Variants in CFTR observed in about 807,000 individuals in gnomAD.
CFTR encodes the protein CF transmembrane conductance regulator, also known as cystic fibrosis transmembrane conductance regulator.
In CFTR, 181 loss-of-function variants were observed where a neutral mutation model predicts 171.6. The ratio of observed to expected loss-of-function variants is 1.05; its 90% CI spans 0.93 to 1.19. The LOEUF (loss-of-function observed/expected upper bound fraction) is 1.19, where lower values mean the gene tolerates loss of function less well. Ranked by LOEUF, CFTR falls within the 50% of genes most tolerant of loss-of-function variation. The probability of loss-of-function intolerance (pLI) is 0.00; values close to 1 mark genes in which losing one functional copy is unlikely to be tolerated. For synonymous variants in CFTR, 583 were observed against 608.0 expected, an observed-to-expected ratio of 0.96 and a Z score of 0.60; for missense variants, 1,968 against 1,734.7, an observed-to-expected ratio of 1.13 and a Z score of -2.39.
chr7:117,489,574 T>A (rs981108838), intron 1 of CFTR, among the ~76,000 whole-genome samples: 26 of 152,006 alleles, frequency 1.7e-4, no homozygotes, highest in African/African-American at 5.8e-4. Context: ...CAAACAGGTA[T>A]GTCAAAGATA....
intron 24 of CFTR, among the ~76,000 whole-genome samples, chr7:117,662,342 G>A (rs1291190614): frequency 1.3e-5 from 2 of 152,180 alleles, no homozygotes; most frequent in Admixed American, 6.5e-5. Context: ...TGAAGAGCAC[G>A]TTTTTACCCT....
chr7:117,559,021 C>T (rs1268573318), intron 10 of CFTR, among the ~76,000 whole-genome samples: 3 of 152,140 alleles, frequency 2.0e-5, no homozygotes, highest in African/African-American at 7.2e-5. Context: ...CTGAATATGT[C>T]TCTATTACTT....
rs1792457043 is a variant in CFTR, at chr7:117,614,666, A to C, written c.3421A>C (p.Ser1141Arg). ...IILTLAMNIM[S>R]TLQWAVNSSI... ...CCTGACTTTAGCCATGAATATCATG[A>C]GTACATTGCAGTGGGCTGTAAACTC... Residue 1141 changes from serine to arginine, a missense_variant, in exon 21 of 27, where the codon AGT (serine) becomes CGT (arginine). By Grantham distance (110) the Ser-to-Arg change is moderately radical. Transcript: ENST00000003084. 1 of 1,612,462 alleles carries C rather than the reference A, an allele frequency of 6.2e-7. No individual in the cohort carries two copies. The highest frequency in any genetic ancestry group is 1.1e-5 in the South Asian group (1 of 91,068).
intron 11 of CFTR, among the ~76,000 whole-genome samples, chr7:117,578,659 C>CA (rs1293989105): frequency 1.3e-5 from 2 of 152,076 alleles, no homozygotes; most frequent in East Asian, 3.9e-4. Flanking sequence ...AAATGAAACT[C>CA]ACATTTTATA....
chr7:117,566,597 C>T (rs1391154696), intron 11 of CFTR, among the ~76,000 whole-genome samples: 1 of 133,412 alleles, frequency 7.5e-6, no homozygotes, highest in Admixed American at 7.4e-5. Context: ...GAAGCAATAA[C>T]TTAAAAAAAA....
In CFTR at chr7:117,614,630, G is replaced by A; in HGVS notation, c.3385G>A (p.Val1129Ile). 1 of 1,610,076 alleles carries A rather than the reference G, an allele frequency of 6.2e-7. No individual in the cohort carries two copies. The change falls in exon 21 of 27, where the codon GTT (valine) becomes ATT (isoleucine). Residue 1129 changes from valine (V) to isoleucine (I), a missense_variant. Coordinates refer to ENST00000003084, the MANE Select transcript of CFTR (RefSeq NM_000492.4). ...ATCTATAGGAGAAGGAGAAGGAAGA[G>A]TTGGTATTATCCTGACTTTAGCCAT... ...ILTTGEGEGRVGIILTLAMNI... is the reference protein window; with the variant it reads ...ILTTGEGEGRIGIILTLAMNI...
chr7:117,529,791 G>A (rs1335770963), intron 3 of CFTR, among the ~76,000 whole-genome samples: 1 of 152,026 alleles, frequency 6.6e-6, no homozygotes, highest in African/African-American at 2.4e-5. Flanking sequence ...TCAAATTAAG[G>A]GATGAGGCAG....
chr7:117,499,184 G>C (rs1798282563), intron 1 of CFTR, among the ~76,000 whole-genome samples: 1 of 151,994 alleles, frequency 6.6e-6, no homozygotes. Context: ...TGATATCCAT[G>C]ACCTTCATCT....
At chr7:117,497,870 T>C (rs1456968443) in intron 1 of CFTR, among the ~76,000 whole-genome samples, 2 of 152,126 alleles carry the variant, frequency 1.3e-5, no homozygotes, top group Non-Finnish European at 2.9e-5. Flanking sequence ...TTTTCTTTAA[T>C]GAAAAAGAAT....
intron 8 of CFTR, among the ~76,000 whole-genome samples, chr7:117,540,842 C>T (rs1270437641): frequency 6.6e-6 from 1 of 151,914 alleles, no homozygotes; most frequent in Non-Finnish European, 1.5e-5. Flanking sequence ...AAATGGTGTC[C>T]CATAGAACTA....
At chr7:117,661,662 G>A (rs1005335734) in intron 24 of CFTR, among the ~76,000 whole-genome samples, 24 of 152,178 alleles carry the variant, frequency 1.6e-4, no homozygotes, top group African/African-American at 5.8e-4. Context: ...CACAAAGGTA[G>A]TGTTTCAGTT....
intron 1 of CFTR, among the ~76,000 whole-genome samples, chr7:117,487,326 T>C (rs553775861): frequency 1.3e-5 from 2 of 152,276 alleles, no homozygotes; most frequent in Admixed American, 1.3e-4. Flanking sequence ...AAGAAGCAGC[T>C]GAGTTCTAGG....
chr7:117,540,409 T>C, intron 8 of CFTR, 63 bp downstream of exon 8: 1 of 1,481,308 alleles, frequency 6.8e-7, no homozygotes, highest in Non-Finnish European at 9.2e-7. Context: ...AGATCAGTTC[T>C]AATGAACTTT....
chr7:117,544,381 T>C (rs1376997258), intron 9 of CFTR, among the ~76,000 whole-genome samples: 1 of 152,216 alleles, frequency 6.6e-6, no homozygotes, highest in African/African-American at 2.4e-5. Context: ...CTATTCCAGA[T>C]TTTTATCACA....
At chr7:117,609,129 G>A (rs1167609865) in intron 18 of CFTR, among the ~76,000 whole-genome samples, 1 of 152,084 alleles carries the variant, frequency 6.6e-6, no homozygotes, top group African/African-American at 2.4e-5. Context: ...TTGAGTTTGA[G>A]TATTTTGATA....
chr7:117,623,074 C>T (rs923924942), intron 21 of CFTR, among the ~76,000 whole-genome samples: 3 of 152,088 alleles, frequency 2.0e-5, no homozygotes, highest in Non-Finnish European at 4.4e-5. Context: ...AATAATGAAA[C>T]CAATAATTTA....
At position 117,606,660 on chromosome 7, in the gene CFTR, CTTGTATA is replaced by C. The variant is rs397508454; in HGVS notation, c.2909-11_2909-5del. ...TAGTGTTTTTTGAGGAATTTGTCAT[CTTGTATA>C]TTATAGGTGGGATTCTTAATAGATT... is the stretch of plus-strand genomic sequence containing the variant. On this transcript the variant is annotated splice_polypyrimidine_tract_variant and splice_region_variant and intron_variant, in intron 17 of 26. Coordinates refer to ENST00000003084, the MANE Select transcript of CFTR (RefSeq NM_000492.4). The C allele has an allele frequency of 7.1e-7, 1 of 1,398,852 alleles. No homozygotes were observed. 86.7% of individuals were successfully genotyped at this position (1,398,852 alleles called of 1,614,324 possible).
chr7:117,639,838 A>C (rs1265215376), intron 22 of CFTR, among the ~76,000 whole-genome samples: 1 of 152,192 alleles, frequency 6.6e-6, no homozygotes, highest in Non-Finnish European at 1.5e-5. Context: ...AACACATAAA[A>C]GATTCAATTA....
At chr7:117,564,195 G>C (rs1791561456) in intron 11 of CFTR, among the ~76,000 whole-genome samples, 1 of 152,164 alleles carries the variant, frequency 6.6e-6, no homozygotes, top group Non-Finnish European at 1.5e-5. Context: ...GTTGCAAAAA[G>C]TTTGCTCAGC....
Sources: gnomAD v4.1 joint callset for allele counts (sites outside exome capture counted in the v4.1 genomes callset) on GRCh38, gnomAD v4.1.1 for gene constraint, MANE v1.5 for transcripts, NCBI Gene and HGNC (gene_info 2026-07-23, HGNC 2026-07-21) for gene names.